The following SLC25A31 variants were observed in gnomAD, a reference collection of about 807,000 sequenced individuals.
SLC25A31 encodes ADP/ATP translocase 4.
A neutral mutation model predicts 36.2 loss-of-function variants in SLC25A31; 40 were observed. The ratio of observed to expected loss-of-function variants is 1.10; its 90% confidence interval spans 0.86 to 1.44. The LOEUF (loss-of-function observed/expected upper bound fraction) is 1.44, where lower values mean the gene tolerates loss of function less well. SLC25A31 is among the 40% of genes most tolerant of loss of function. SLC25A31 has a pLI of 0.00. For synonymous variants in SLC25A31, 143 were observed against 149.7 expected (o/e 0.96, Z 0.32); for missense variants, 350 against 397.1 (o/e 0.88, Z 1.01).
At chr4:127,750,590 A>G (rs1731912899) in intron 2 of SLC25A31, among the ~76,000 whole-genome samples, 1 of 152,240 alleles carries the variant, frequency 6.6e-6, no homozygotes, top group Admixed American at 6.5e-5. Flanking sequence ...TGCAGTATAC[A>G]TAAATGTAAA....
rs763593670 is a variant in SLC25A31 at position 127,773,417 on chromosome 4, C to G, written c.791C>G (p.Thr264Ser). ...GAGGCTAAACGGCAATATAAAGGAA[C>G]CTTAGACTGCTTTGTGAAGATATAC... ...SGEAKRQYKG[T>S]LDCFVKIYQH... Residue 264 changes from threonine to serine, a missense_variant, in exon 6 of 6, where the codon ACC (threonine) becomes AGC (serine). Thr to Ser is a moderately conservative substitution (Grantham distance 58). Transcript: ENST00000281154. The G allele has an allele frequency of 6.2e-7, 1 of 1,613,678 alleles. No homozygotes were observed. Among genetic ancestry groups the G allele is most frequent in the South Asian group, 1.1e-5 (1 of 91,002 alleles).
At chr4:127,753,025 G>A (rs1219992864) in intron 2 of SLC25A31, among the ~76,000 whole-genome samples, 1 of 152,136 alleles carries the variant, frequency 6.6e-6, no homozygotes, top group East Asian at 1.9e-4. Flanking sequence ...CCATAGTGGA[G>A]TAAAACTATA....
intron 3 of SLC25A31, 129 bp from the exon 4 acceptor site, chr4:127,766,937 A>C (rs757701443): frequency 2.8e-6 from 2 of 726,644 alleles, no homozygotes; most frequent in Non-Finnish European, 4.1e-6. Context: ...GAGGATTTTG[A>C]TTTGTGCCTT....
intron 2 of SLC25A31, among the ~76,000 whole-genome samples, chr4:127,748,271 C>A (rs73847059): frequency 1.3e-5 from 2 of 152,302 alleles, no homozygotes; most frequent in African/African-American, 4.8e-5. Context: ...TCCTATAAAT[C>A]GGCTCCTGCC....
At chr4:127,766,148 ATTTGTTTTTTTT>A (rs1478823144) in intron 3 of SLC25A31, among the ~76,000 whole-genome samples, 3 of 90,600 alleles carry the variant, frequency 3.3e-5, no homozygotes, top group Admixed American at 1.2e-4. Context: ...GAGTTTTTTT[ATTTGTTTTTTTT>A]TTTGTTTTTT....
At chr4:127,744,392 T>C (rs1731785039) in intron 1 of SLC25A31, among the ~76,000 whole-genome samples, 1 of 152,238 alleles carries the variant, frequency 6.6e-6, no homozygotes, top group African/African-American at 2.4e-5. Flanking sequence ...AACTGAGTTC[T>C]GTTTATCTAC....
intron 5 of SLC25A31, among the ~76,000 whole-genome samples, chr4:127,769,921 T>C (rs1328193555): frequency 6.6e-6 from 1 of 152,184 alleles, no homozygotes; most frequent in Non-Finnish European, 1.5e-5. Flanking sequence ...CAAGTGAAAA[T>C]AATGAGGTCA....
Position 127,744,682 on chromosome 4 carries a change from T to A in SLC25A31, c.243T>A (p.Ser81Arg), listed in dbSNP as rs751173570. ...VRIPREQGFF[S>R]FWRGNLANVI... ...TGTTTCCCTCTGTAGGTTTCTTCAG[T>A]TTTTGGCGTGGCAATTTGGCAAATG... The change falls in exon 2 of 6, where the codon AGT becomes AGA. Residue 81 changes from serine (S) to arginine (R), a missense_variant. Transcript: ENST00000281154. The A allele has an allele frequency of 6.3e-7, 1 of 1,595,868 alleles. No homozygotes were observed. Among genetic ancestry groups the A allele is most frequent in the Admixed American group, 1.7e-5 (1 of 57,344 alleles).
At position 127,730,827 on chromosome 4, in the gene SLC25A31, C is replaced by G. The variant is rs541994803; in HGVS notation, c.232+50C>G. ...CAGCCTCTCCCGGCGCCCTCGTCAGCTTCCCAGAGAAGAGGGTGGCTGGGA... is the reference window on the plus strand; with the variant it reads ...CAGCCTCTCCCGGCGCCCTCGTCAGGTTCCCAGAGAAGAGGGTGGCTGGGA... On this transcript the variant is annotated intron_variant, in intron 1 of 5. Transcript: ENST00000281154. The G allele has an allele frequency of 1.3e-5, 20 of 1,531,488 alleles. No individual in the cohort carries two copies. The South Asian group carries it at 2.3e-4, about 17-fold the overall frequency. The allele number at this position is 1,531,488 out of a possible 1,614,324, so 94.9% of individuals were successfully genotyped here. A position where few individuals can be genotyped will look rare whatever the true frequency, so the allele number is the denominator to read the frequency against.
At chr4:127,735,975 C>T (rs1731625352) in intron 1 of SLC25A31, among the ~76,000 whole-genome samples, 3 of 148,438 alleles carry the variant, frequency 2.0e-5, no homozygotes, top group Non-Finnish European at 3.0e-5. Context: ...CTGCAAGCTC[C>T]GTCTCCCGGG....
chr4:127,758,701 T>C (rs970359084), intron 2 of SLC25A31, among the ~76,000 whole-genome samples: 4 of 152,230 alleles, frequency 2.6e-5, no homozygotes, highest in African/African-American at 9.6e-5. Context: ...CTAGCCATTT[T>C]CCCCAGCACT....
intron 1 of SLC25A31, among the ~76,000 whole-genome samples, chr4:127,737,455 C>CT (rs1191005435): frequency 6.6e-6 from 1 of 152,224 alleles, no homozygotes; most frequent in Non-Finnish European, 1.5e-5. Context: ...ATCTGACACT[C>CT]TGTCATCATG....
At chr4:127,739,707 A>G (rs1015916967) in intron 1 of SLC25A31, among the ~76,000 whole-genome samples, 4 of 152,098 alleles carry the variant, frequency 2.6e-5, no homozygotes, top group Non-Finnish European at 5.9e-5. Context: ...CTGTTTCAGG[A>G]ATGCCAGTAA....
At chr4:127,754,697 G>A (rs994111670) in intron 2 of SLC25A31, among the ~76,000 whole-genome samples, 4 of 152,046 alleles carry the variant, frequency 2.6e-5, no homozygotes, top group African/African-American at 4.8e-5. Context: ...GAAGCTCATC[G>A]TGTGTTCATA....
rs192579130 is a variant in SLC25A31, at chr4:127,755,922, A to C, written c.361-8321A>C. On this transcript the variant is annotated intron_variant, in intron 2 of 5. Coordinates refer to ENST00000281154, the MANE Select transcript of SLC25A31 (RefSeq NM_031291.4). ...GTGGTGTGTTCCTGTAATCCTAGCT[A>C]CTAGAGAGGCTGAGGCAGGAGAATC... Among the ~76,000 whole-genome samples, 279 of 152,202 alleles carry C rather than the reference A, an allele frequency of 1.8e-3. 3 individuals are homozygous for C. Among genetic ancestry groups the C allele is most frequent in the African/African-American group, 6.6e-3 (275 of 41,528 alleles).
chr4:127,730,790 A>AGGCC lies in SLC25A31; in HGVS notation c.232+15_232+18dup. On this transcript the variant is annotated intron_variant, in intron 1 of 5. Coordinates refer to ENST00000281154, the MANE Select transcript of SLC25A31 (RefSeq NM_031291.4). ...CCTCGCGAGCAGGGTGCGTCAAGGC[A>AGGCC]GGCCGCCCCGACAGCCTCTCCCGGC... is the stretch of plus-strand genomic sequence containing the variant. 1 of 1,595,988 alleles carries AGGCC rather than the reference A, an allele frequency of 6.3e-7. No homozygotes were observed. The highest frequency in any genetic ancestry group is 8.6e-7 in the Non-Finnish European group (1 of 1,167,558).
chr4:127,758,432 A>G (rs985387799), intron 2 of SLC25A31, among the ~76,000 whole-genome samples: 2 of 152,148 alleles, frequency 1.3e-5, no homozygotes, highest in Admixed American at 6.5e-5. Context: ...CCCATTCTGC[A>G]TATTGTCTGT....
intron 2 of SLC25A31, among the ~76,000 whole-genome samples, chr4:127,751,028 C>T (rs2148758392): frequency 6.6e-6 from 1 of 152,204 alleles, no homozygotes. Context: ...ACATATACCC[C>T]ATCAAGCTAC....
At chr4:127,757,235 C>T (rs1302496131) in intron 2 of SLC25A31, among the ~76,000 whole-genome samples, 1 of 152,148 alleles carries the variant, frequency 6.6e-6, no homozygotes, top group Non-Finnish European at 1.5e-5. Context: ...AACCCATCAA[C>T]CAAATAGTCA....
Sources: allele counts gnomAD v4.1 joint callset (sites outside exome capture counted in the v4.1 genomes callset), GRCh38; gene constraint gnomAD v4.1.1; transcripts MANE v1.5; gene names NCBI Gene and HGNC (gene_info 2026-07-23, HGNC 2026-07-21).